CERKL: variants seen among roughly 807,000 people sequenced by gnomAD.
The protein encoded by CERKL is ceramide kinase-like protein.
Under a neutral mutation model 63.4 loss-of-function variants are expected in CERKL, and 61 were observed. The ratio of observed to expected loss-of-function variants is 0.96; its 90% CI spans 0.78 to 1.19. The LOEUF (loss-of-function observed/expected upper bound fraction) is 1.19, where lower values mean the gene tolerates loss of function less well. Ranked by LOEUF, CERKL falls within the 50% of genes most tolerant of loss-of-function variation. The probability of loss-of-function intolerance (pLI) is 0.00; values close to 1 mark genes in which losing one functional copy is unlikely to be tolerated. For synonymous variants in CERKL, 250 were observed against 230.5 expected (o/e 1.08, Z -0.77); for missense variants, 675 against 655.5 (o/e 1.03, Z -0.33).
chr2:181,645,177 TAA>T (rs1443898648), intron 1 of CERKL, among the ~76,000 whole-genome samples: 2 of 152,144 alleles, frequency 1.3e-5, no homozygotes, highest in Non-Finnish European at 1.5e-5. Context: ...GAATTTTTTT[TAA>T]AAAAGAGTTT....
intron 1 of CERKL, among the ~76,000 whole-genome samples, chr2:181,650,831 T>A (rs1338938952): frequency 6.6e-6 from 1 of 150,940 alleles, no homozygotes; most frequent in Non-Finnish European, 1.5e-5. Flanking sequence ...AAGGAAGTAA[T>A]TCAACTCAGA....
chr2:181,567,705 G>A (rs1007730933), intron 3 of CERKL, among the ~76,000 whole-genome samples: 10 of 152,100 alleles, frequency 6.6e-5, no homozygotes, highest in Non-Finnish European at 1.0e-4. Flanking sequence ...TTGCATTCTG[G>A]AGATAGACAA....
chr2:181,579,470 TTTTC>T (rs1261945788), intron 2 of CERKL, among the ~76,000 whole-genome samples: 4 of 151,956 alleles, frequency 2.6e-5, no homozygotes, highest in East Asian at 3.8e-4. Flanking sequence ...ATTCTTCATA[TTTTC>T]TTTGTCAATT....
At chr2:181,618,487 G>C (rs1235220799) in intron 1 of CERKL, among the ~76,000 whole-genome samples, 1 of 151,750 alleles carries the variant, frequency 6.6e-6, no homozygotes, top group African/African-American at 2.4e-5. Context: ...CGCAATCTCG[G>C]CTCACGGCAA....
At chr2:181,622,763 A>G (rs1217730644) in intron 1 of CERKL, among the ~76,000 whole-genome samples, 1 of 152,236 alleles carries the variant, frequency 6.6e-6, no homozygotes, top group African/African-American at 2.4e-5. Context: ...TATACAAATT[A>G]CAAAGTTGAT....
At chr2:181,547,777 C>T in intron 9 of CERKL, 45 bp downstream of exon 9, 1 of 1,613,898 alleles carries the variant, frequency 6.2e-7, no homozygotes, top group Non-Finnish European at 8.5e-7. Context: ...AACAAAATGT[C>T]AACAGAACCT....
intron 2 of CERKL, among the ~76,000 whole-genome samples, chr2:181,585,711 A>C (rs957230641): frequency 1.3e-5 from 2 of 152,214 alleles, no homozygotes; most frequent in African/African-American, 4.8e-5. Context: ...GAACTGGTAA[A>C]AAATCTTTTC....
intron 1 of CERKL, among the ~76,000 whole-genome samples, chr2:181,632,117 C>T (rs1686986948): frequency 6.6e-6 from 1 of 152,030 alleles, no homozygotes; most frequent in Non-Finnish European, 1.5e-5. Flanking sequence ...GTATCTTTGC[C>T]TTTGCCAAAT....
rs1251178327 is a variant in CERKL, at chr2:181,558,753, A to G, written c.678-45T>C. ...GCAAAGAAGGCAAAACTTCAGAATG[A>G]TTGGTAATAAGTCATGAAATCTAGA... On this transcript the variant is annotated intron_variant, in intron 4 of 12. Coordinates refer to ENST00000410087, the MANE Select transcript of CERKL (RefSeq NM_201548.5). This position sits in a 1 kb window ranked among gnomAD's most constrained non-coding sequence, Gnocchi z 4.2. 4 of 1,600,260 alleles carry G rather than the reference A, an allele frequency of 2.5e-6. No individual in the cohort carries two copies. The highest frequency in any genetic ancestry group is 3.4e-6 in the Non-Finnish European group (4 of 1,168,374).
In CERKL at chr2:181,603,531, T is replaced by C. The variant is rs144019556; in HGVS notation, c.481+306A>G. 4.7e-4 allele frequency among the ~76,000 whole-genome samples: 72 copies of C among 152,226 alleles called. 1 individual carries two copies. In the East Asian group the frequency reaches 9.1e-3, roughly 19 times the overall value. ...CAAAATATTAACAAACCAAATTCAA[T>C]AGCATCTTTAAAAGATTATACACCA... On this transcript the variant is annotated intron_variant, in intron 2 of 12. Transcript: ENST00000410087.
At chr2:181,646,659 T>A (rs911691719) in intron 1 of CERKL, among the ~76,000 whole-genome samples, 21 of 152,212 alleles carry the variant, frequency 1.4e-4, no homozygotes, top group African/African-American at 3.4e-4. Context: ...GCAGATAGAA[T>A]GAAGTTCCCA....
intron 2 of CERKL, among the ~76,000 whole-genome samples, chr2:181,592,289 T>A (rs1559094030): frequency 6.6e-6 from 1 of 152,274 alleles, no homozygotes; most frequent in East Asian, 1.9e-4. Context: ...AATTGCCAGA[T>A]CAATTTCAAC....
chr2:181,543,433 C>G (rs775016977), intron 11 of CERKL, among the ~76,000 whole-genome samples: 14 of 152,116 alleles, frequency 9.2e-5, no homozygotes, highest in Non-Finnish European at 1.6e-4. Context: ...GAAAGTGGGA[C>G]TGTAATTTTT....
chr2:181,622,621 G>A (rs1179314383), intron 1 of CERKL, among the ~76,000 whole-genome samples: 2 of 152,060 alleles, frequency 1.3e-5, no homozygotes, highest in African/African-American at 4.8e-5. Context: ...TAATCTTGGG[G>A]AGAAAAACAA....
chr2:181,607,787 G>A (rs886635625), intron 1 of CERKL, among the ~76,000 whole-genome samples: 3 of 152,154 alleles, frequency 2.0e-5, no homozygotes, highest in African/African-American at 7.2e-5. Flanking sequence ...CCCTATGATG[G>A]ACTACATGGG....
rs1199468492 is a variant in CERKL, at chr2:181,537,954, T to C, written c.*230A>G. 23 of 635,526 alleles carry C rather than the reference T, an allele frequency of 3.6e-5. No individual in the cohort carries two copies. The highest frequency in any genetic ancestry group is 5.9e-5 in the Non-Finnish European group (20 of 339,310). 39.4% of individuals were successfully genotyped at this position (635,526 alleles called of 1,614,324 possible). A position where few individuals can be genotyped will look rare whatever the true frequency, so the allele number is the denominator to read the frequency against. ...TAGATTCTCATAGAAGTGCGAACCA[T>C]ATGGTGAACTGGTATGTGAGGGATC... On this transcript the variant is annotated 3_prime_UTR_variant, in exon 13 of 13. Transcript: ENST00000410087.
chr2:181,553,111 T>C (rs1688057137), intron 5 of CERKL, among the ~76,000 whole-genome samples: 1 of 152,200 alleles, frequency 6.6e-6, no homozygotes, highest in African/African-American at 2.4e-5. Flanking sequence ...CAGGTATCTC[T>C]GTTTTAGCAA....
chr2:181,620,184 G>A (rs1368650098), intron 1 of CERKL, among the ~76,000 whole-genome samples: 1 of 152,152 alleles, frequency 6.6e-6, no homozygotes, highest in African/African-American at 2.4e-5. Flanking sequence ...TATTGCCAGG[G>A]TGTAAGGATT....
chr2:181,573,956 A>G (rs1689018535), intron 2 of CERKL, 72 bp from the exon 3 acceptor site: 2 of 1,415,078 alleles, frequency 1.4e-6, no homozygotes, highest in Non-Finnish European at 2.0e-6. Context: ...TTAAAATGAC[A>G]CACAAGTCTG....
Sources: gnomAD v4.1 joint callset for allele counts (sites outside exome capture counted in the v4.1 genomes callset) on GRCh38, gnomAD v4.1.1 for gene constraint, Gnocchi (gnomAD v3.1) non-coding constraint, MANE v1.5 for transcripts, NCBI Gene and HGNC (gene_info 2026-07-23, HGNC 2026-07-21) for gene names.